WWOX: variants seen among roughly 807,000 people sequenced by gnomAD.
WWOX encodes WW domain containing oxidoreductase.
WWOX carries 69 observed loss-of-function variants against 46.2 expected under a neutral mutation model. That is an observed-to-expected ratio of 1.49 (90% CI 1.23 to 1.82). The LOEUF (loss-of-function observed/expected upper bound fraction) is 1.82, where lower values mean the gene tolerates loss of function less well. WWOX is among the 40% of genes most tolerant of loss of function. WWOX has a pLI of 0.00. For missense variants in WWOX, 919 were observed against 542.6 expected (o/e 1.69, Z -6.89); for synonymous variants, 359 against 202.6 (o/e 1.77, Z -6.56).
intron 8 of WWOX, among the ~76,000 whole-genome samples, chr16:78,836,337 C>T (rs2051983666): frequency 6.6e-6 from 1 of 152,080 alleles, no homozygotes; most frequent in Admixed American, 6.5e-5. Context: ...GCTCCATTTG[C>T]AAAGCCAGTG....
chr16:78,341,418 T>G lies in WWOX; in HGVS notation c.517-45442T>G, dbSNP rs576682125. Among the ~76,000 whole-genome samples the G allele has an allele frequency of 6.2e-4, 76 of 122,010 alleles. 23 individuals carry two copies. Among genetic ancestry groups the G allele is most frequent in the Non-Finnish European group, 1.2e-3 (61 of 50,938 alleles). 80.0% of individuals were successfully genotyped at this position (122,010 alleles called of 152,430 possible). A position where few individuals can be genotyped will look rare whatever the true frequency, so the allele number is the denominator to read the frequency against. The stretch of plus-strand genomic sequence containing the variant: ...ATGAAAATTTTAAAAAATCAATATG[T>G]ATAATCCACCATCTTTGTTCCTTTT... On this transcript the variant is annotated intron_variant, in intron 5 of 8. Coordinates refer to ENST00000566780, the MANE Select transcript of WWOX (RefSeq NM_016373.4).
intron 8 of WWOX, among the ~76,000 whole-genome samples, chr16:78,609,065 A>T (rs942676976): frequency 6.6e-6 from 1 of 152,194 alleles, no homozygotes; most frequent in African/African-American, 2.4e-5. Flanking sequence ...ATTAGTTATT[A>T]AACAGTATGT....
At chr16:79,081,462 A>C (rs1169112039) in intron 8 of WWOX, among the ~76,000 whole-genome samples, 1 of 152,184 alleles carries the variant, frequency 6.6e-6, no homozygotes, top group African/African-American at 2.4e-5. Context: ...AACTATCCTC[A>C]TTAAGCCATC....
Position 78,633,260 on chromosome 16 carries a change from T to TCAAAA in WWOX, c.1056+200524_1056+200528dup, listed in dbSNP as rs931008476. Among the ~76,000 whole-genome samples the TCAAAA allele has an allele frequency of 3.9e-5, 6 of 152,210 alleles. No homozygotes were observed. In the South Asian group the frequency reaches 8.3e-4, roughly 21 times the overall value. On this transcript the variant is annotated intron_variant, in intron 8 of 8. Transcript: ENST00000566780. The stretch of plus-strand genomic sequence containing the variant: ...CTAGGTGACAGAGCAAGATTCCATC[T>TCAAAA]CAAAACAAAACAAAACAAAAAAACA...
At chr16:78,785,007 G>A (rs745546277) in intron 8 of WWOX, among the ~76,000 whole-genome samples, 13 of 152,200 alleles carry the variant, frequency 8.5e-5, no homozygotes, top group Non-Finnish European at 1.8e-4. Context: ...AAACCAGCTC[G>A]TAGGTGGTAC....
At chr16:78,587,783 T>C (rs1002976407) in intron 8 of WWOX, among the ~76,000 whole-genome samples, 2 of 152,194 alleles carry the variant, frequency 1.3e-5, no homozygotes, top group Non-Finnish European at 2.9e-5. Context: ...TGATCTGTTA[T>C]ATGATCCTTA....
chr16:79,155,798 TC>T (rs1343867142), intron 8 of WWOX, among the ~76,000 whole-genome samples: 2 of 152,142 alleles, frequency 1.3e-5, no homozygotes, highest in East Asian at 3.9e-4. Flanking sequence ...AGTTTTTTTT[TC>T]CCTTGTCTTA....
At chr16:78,770,914 G>T (rs918344010) in intron 8 of WWOX, among the ~76,000 whole-genome samples, 2 of 152,370 alleles carry the variant, frequency 1.3e-5, no homozygotes, top group East Asian at 3.9e-4. Context: ...AGCGAGGAGC[G>T]TAAGAATTAT....
intron 8 of WWOX, among the ~76,000 whole-genome samples, chr16:78,714,412 C>T (rs187562274): frequency 7.2e-4 from 109 of 152,026 alleles, no homozygotes; most frequent in African/African-American, 2.5e-3. Context: ...TTCACTGTCA[C>T]GAGAACAGCA....
chr16:78,528,247 C>T (rs1305384141), intron 8 of WWOX, among the ~76,000 whole-genome samples: 4 of 138,192 alleles, frequency 2.9e-5, no homozygotes, highest in African/African-American at 5.4e-5. Context: ...GTCTGCTGAT[C>T]TCGTAATCCG....
intron 8 of WWOX, among the ~76,000 whole-genome samples, chr16:78,762,716 G>T (rs576956777): frequency 3.9e-5 from 6 of 152,190 alleles, no homozygotes; most frequent in Non-Finnish European, 8.8e-5. Context: ...CTCTGAATTT[G>T]CACTGTCTGG....
chr16:78,193,876 A>G (rs1464572933), intron 5 of WWOX, among the ~76,000 whole-genome samples: 2 of 148,152 alleles, frequency 1.3e-5, no homozygotes, highest in Non-Finnish European at 3.0e-5. Flanking sequence ...ATTATTTTCT[A>G]TTTTTTATTT....
chr16:78,864,449 T>G (rs1475045160), intron 8 of WWOX, among the ~76,000 whole-genome samples: 1 of 151,980 alleles, frequency 6.6e-6, no homozygotes. Context: ...TGTATTTTTT[T>G]GTAGAGGCAA....
At chr16:78,933,293 G>C (rs954712406) in intron 8 of WWOX, among the ~76,000 whole-genome samples, 5 of 152,152 alleles carry the variant, frequency 3.3e-5, no homozygotes, top group African/African-American at 1.2e-4. Context: ...ACAAAAATTA[G>C]CTGAGCATGG....
At chr16:78,310,198 G>A (rs1324089173) in intron 5 of WWOX, among the ~76,000 whole-genome samples, 1 of 151,986 alleles carries the variant, frequency 6.6e-6, no homozygotes, top group Non-Finnish European at 1.5e-5. Context: ...AACATTTATT[G>A]TGTTTCCTTC....
intron 8 of WWOX, among the ~76,000 whole-genome samples, chr16:79,007,574 A>G (rs746922768): frequency 5.9e-5 from 9 of 152,254 alleles, no homozygotes; most frequent in Non-Finnish European, 8.8e-5. Flanking sequence ...CTACATAGGC[A>G]TGCTACTTTA....
At chr16:78,362,330 CAGGCATTACAGGCTTAAGCCTGT>C (rs1345497282) in intron 5 of WWOX, among the ~76,000 whole-genome samples, 16 of 152,178 alleles carry the variant, frequency 1.1e-4, no homozygotes, top group Admixed American at 1.0e-3. Context: ...AAAAACAGGA[CAGGCATTACAGGCTTAAGCCTGT>C]AATCCCAGCA....
intron 8 of WWOX, among the ~76,000 whole-genome samples, chr16:78,848,070 A>G (rs146378007): frequency 2.8e-4 from 42 of 152,306 alleles, no homozygotes; most frequent in Admixed American, 5.9e-4. Flanking sequence ...TAGCCAAGCT[A>G]CCACCTGACC....
At chr16:78,870,760 C>A (rs1377606295) in intron 8 of WWOX, among the ~76,000 whole-genome samples, 1 of 152,164 alleles carries the variant, frequency 6.6e-6, no homozygotes, top group African/African-American at 2.4e-5. Context: ...TGCCACCATG[C>A]CCAGCTAAAT....
Sources: gnomAD v4.1 joint callset for allele counts (sites outside exome capture counted in the v4.1 genomes callset) on GRCh38, gnomAD v4.1.1 for gene constraint, MANE v1.5 for transcripts, NCBI Gene and HGNC (gene_info 2026-07-23, HGNC 2026-07-21) for gene names.